Variants in CBFA2T3 observed in about 807,000 individuals in gnomAD.
CBFA2T3 encodes the protein CBFA2/RUNX1 partner transcriptional co-repressor 3, also known as transcriptional corepressor CBFA2T3.
CBFA2T3 carries 31 observed loss-of-function variants against 58.6 expected under a neutral mutation model. The observed-to-expected ratio is 0.53, with a 90% confidence interval of 0.40 to 0.71. The LOEUF (loss-of-function observed/expected upper bound fraction) is 0.71, where lower values mean the gene tolerates loss of function less well. Ranked by LOEUF, CBFA2T3 falls within the 30% of genes least tolerant of loss-of-function variation. CBFA2T3 has a pLI of 0.00. For synonymous variants in CBFA2T3, 531 were observed against 421.9 expected (o/e 1.26, Z -3.17); for missense variants, 1,076 against 963.1 (o/e 1.12, Z -1.55).
At chr16:88,906,896 C>T (rs1970357398) in intron 1 of CBFA2T3, among the ~76,000 whole-genome samples, 1 of 152,234 alleles carries the variant, frequency 6.6e-6, no homozygotes, top group Non-Finnish European at 1.5e-5. Flanking sequence ...GCATCCAGCC[C>T]CACGCTGGGA....
At chr16:88,879,505 A>C (rs755186857) in intron 10 of CBFA2T3, 45 bp from the exon 11 acceptor site, 1 of 1,572,996 alleles carries the variant, frequency 6.4e-7, no homozygotes, top group South Asian at 1.1e-5. Flanking sequence ...GGGCCATCCC[A>C]GATGGGTCTC....
chr16:88,916,229 T>C (rs1032385236), intron 1 of CBFA2T3, among the ~76,000 whole-genome samples: 2 of 58,812 alleles, frequency 3.4e-5, no homozygotes, highest in African/African-American at 9.2e-5. Context: ...TACATGTGGG[T>C]GTGTGTATTC....
Position 88,958,601 on chromosome 16 carries a change from C to T in CBFA2T3, c.151+18056G>A, listed in dbSNP as rs1182982874. Among the ~76,000 whole-genome samples, 1 of 152,080 alleles carries T rather than the reference C, an allele frequency of 6.6e-6. No homozygotes were observed. The highest frequency in any genetic ancestry group is 1.5e-5 in the Non-Finnish European group (1 of 67,990). ...TATTTCTCAGATGGGGAGACTGAGG[C>T]CTGGGTGGGGGCAGGTGGAGAAGCA... On this transcript the variant is annotated intron_variant, in intron 1 of 11. Transcript: ENST00000268679. The surrounding 1 kb of genome is among the most constrained non-coding windows in gnomAD (Gnocchi z 4.0).
chr16:88,931,875 G>C (rs1223075338), intron 1 of CBFA2T3, among the ~76,000 whole-genome samples: 1 of 152,104 alleles, frequency 6.6e-6, no homozygotes, highest in African/African-American at 2.4e-5. Context: ...ATGGGGAGGA[G>C]GGTTTGGGGA....
At chr16:88,892,609 G>C (rs960544514) in intron 3 of CBFA2T3, 124 bp from the exon 4 acceptor site, 1 of 1,128,670 alleles carries the variant, frequency 8.9e-7, no homozygotes, top group Admixed American at 1.7e-5. Flanking sequence ...ACAATGATGA[G>C]ACACAAGGAC....
chr16:88,888,706 A>C (rs1169276994), intron 5 of CBFA2T3, among the ~76,000 whole-genome samples: 5 of 149,466 alleles, frequency 3.3e-5, no homozygotes, highest in African/African-American at 1.2e-4. Context: ...GACTGGCCGC[A>C]AGATCTTTAT....
At chr16:88,908,534 G>C (rs1970415289) in intron 1 of CBFA2T3, among the ~76,000 whole-genome samples, 2 of 152,164 alleles carry the variant, frequency 1.3e-5, no homozygotes, top group African/African-American at 4.8e-5. Context: ...ATGTGCCGGG[G>C]CCGCTCATCC....
At position 88,885,196 on chromosome 16, in the gene CBFA2T3, G is replaced by A; in HGVS notation, c.967C>T (p.Pro323Ser). The change falls in exon 7 of 12, where the codon CCT becomes TCT. Residue 323 changes from proline to serine, a missense_variant. Transcript: ENST00000268679. This position sits in a 1 kb window ranked among gnomAD's most constrained non-coding sequence, Gnocchi z 5.3. ...TTGCTGGGGCTGTAGCGCTGGGCAGGGTTCAGGGTGCATGGCCGTTTGCTG... is the reference window on the plus strand; with the variant it reads ...TTGCTGGGGCTGTAGCGCTGGGCAGAGTTCAGGGTGCATGGCCGTTTGCTG... ...HLSKRPCTLN[P>S]AQRYSPSNGP... 1 of 1,602,796 alleles carries A rather than the reference G, an allele frequency of 6.2e-7. No homozygotes were observed. The highest frequency in any genetic ancestry group is 8.5e-7 in the Non-Finnish European group (1 of 1,173,582).
chr16:88,898,838 C>T (rs974784137), intron 2 of CBFA2T3, among the ~76,000 whole-genome samples: 4 of 152,124 alleles, frequency 2.6e-5, no homozygotes, highest in South Asian at 2.1e-4. Context: ...GCCTGGGCGA[C>T]GTAGGGAGAC....
Position 88,881,341 on chromosome 16 carries a change from G to A in CBFA2T3, c.1352C>T (p.Ala451Val). The A allele has an allele frequency of 6.3e-7, 1 of 1,582,374 alleles. No homozygotes were observed. The part of the protein sequence containing the change: ...AEDTKKGPAP[A>V]AARPRSSSAG... ...GGAGCTGCTGCGGGGCCGGGCCGCG[G>A]CGGGAGCGGGGCCCTTCTTTGTGTC... Residue 451 changes from alanine to valine, a missense_variant, in exon 9 of 12, where the codon GCC becomes GTC. Transcript: ENST00000268679.
intron 2 of CBFA2T3, among the ~76,000 whole-genome samples, chr16:88,901,010 G>A (rs1488858703): frequency 6.6e-6 from 1 of 152,270 alleles, no homozygotes; most frequent in African/African-American, 2.4e-5. Context: ...TGAGATCTGA[G>A]CCCCTCCAAG....
At chr16:88,911,754 G>A (rs1320463340) in intron 1 of CBFA2T3, among the ~76,000 whole-genome samples, 3 of 152,276 alleles carry the variant, frequency 2.0e-5, no homozygotes, top group Admixed American at 6.5e-5. Flanking sequence ...CACAACGGCC[G>A]CGTGGAGCTG....
At chr16:88,931,747 A>C (rs1360536920) in intron 1 of CBFA2T3, among the ~76,000 whole-genome samples, 2 of 152,128 alleles carry the variant, frequency 1.3e-5, no homozygotes, top group Non-Finnish European at 2.9e-5. Flanking sequence ...GTCCTGGGGC[A>C]GCATGGTCCC....
intron 1 of CBFA2T3, among the ~76,000 whole-genome samples, chr16:88,929,148 C>T (rs60581728): frequency 2.7e-3 from 410 of 152,288 alleles, no homozygotes; most frequent in African/African-American, 9.2e-3. Context: ...ACAAGTCACG[C>T]GGTCAGAGAG....
intron 1 of CBFA2T3, among the ~76,000 whole-genome samples, chr16:88,935,116 G>C (rs550040225): frequency 6.6e-6 from 1 of 152,216 alleles, no homozygotes; most frequent in Non-Finnish European, 1.5e-5. Context: ...GGGATACGTG[G>C]AGTCCAGCAC....
chr16:88,952,600 T>C (rs1972105945), intron 1 of CBFA2T3, among the ~76,000 whole-genome samples: 1 of 151,574 alleles, frequency 6.6e-6, no homozygotes, highest in African/African-American at 2.4e-5. Flanking sequence ...CCCCATCGCC[T>C]CTCTGAGCTC....
chr16:88,897,928 G>A (rs1023622177), intron 3 of CBFA2T3, 150 bp downstream of exon 3: 5 of 649,078 alleles, frequency 7.7e-6, no homozygotes, highest in Non-Finnish European at 5.5e-6. Flanking sequence ...TTCTCCCTAA[G>A]GAGGCAAGAC....
chr16:88,903,664 GGGGGGGCGTTCCTGGGGGGGCATTCCT>G (rs1970188728), intron 1 of CBFA2T3, among the ~76,000 whole-genome samples: 1 of 136,686 alleles, frequency 7.3e-6, no homozygotes, highest in Non-Finnish European at 1.6e-5. Context: ...CCGGCTGGGG[GGGGGGGCGTTCCTGGGGGGGCATTCCT>G]GGGGGGGGCG....
intron 1 of CBFA2T3, among the ~76,000 whole-genome samples, chr16:88,975,227 G>GATCCTCTGCTCCTGACCTC (rs1567644130): frequency 4.4e-5 from 4 of 90,282 alleles, no homozygotes; most frequent in South Asian, 3.4e-4. Context: ...CTCCTCACCT[G>GATCCTCTGCTCCTGACCTC]CAGCCATGTC....
Sources: allele counts gnomAD v4.1 joint callset (sites outside exome capture counted in the v4.1 genomes callset), GRCh38; gene constraint gnomAD v4.1.1; non-coding constraint Gnocchi (gnomAD v3.1); transcripts MANE v1.5; gene names NCBI Gene and HGNC (gene_info 2026-07-23, HGNC 2026-07-21).